The following BLK variants were observed in gnomAD, a reference collection of about 807,000 sequenced individuals.
BLK encodes BLK proto-oncogene, Src family tyrosine kinase.
BLK carries 64 observed loss-of-function variants against 61.8 expected under a neutral mutation model. The ratio of observed to expected loss-of-function variants is 1.03; its 90% CI spans 0.85 to 1.27. BLK has a LOEUF of 1.27. BLK is among the 50% of genes most tolerant of loss of function. The probability of loss-of-function intolerance (pLI) is 0.00; values close to 1 mark genes in which losing one functional copy is unlikely to be tolerated. For synonymous variants in BLK, 351 were observed against 272.0 expected (o/e 1.29, Z -2.86); for missense variants, 853 against 660.5 (o/e 1.29, Z -3.19).
intron 1 of BLK, among the ~76,000 whole-genome samples, chr8:11,506,600 A>G (rs535603461): frequency 1.9e-3 from 296 of 152,332 alleles, no homozygotes; most frequent in Non-Finnish European, 2.2e-3. Flanking sequence ...TGGGGAGAGG[A>G]AACTGACCTC....
chr8:11,527,929 G>T (rs1221371865), intron 1 of BLK, among the ~76,000 whole-genome samples: 1 of 152,138 alleles, frequency 6.6e-6, no homozygotes, highest in Non-Finnish European at 1.5e-5. Context: ...CATTTTAGCA[G>T]AATTCAGGTC....
At chr8:11,531,807 C>A (rs1023454451) in intron 1 of BLK, among the ~76,000 whole-genome samples, 1 of 152,198 alleles carries the variant, frequency 6.6e-6, no homozygotes. Flanking sequence ...AGCCCTCTGA[C>A]CTTCCTTCTG....
intron 6 of BLK, among the ~76,000 whole-genome samples, chr8:11,551,900 C>T (rs571301191): frequency 7.2e-5 from 11 of 152,160 alleles, no homozygotes; most frequent in Non-Finnish European, 1.6e-4. Flanking sequence ...GGCTGAGAGG[C>T]TTCCCAAGCT....
chr8:11,558,893 G>T (rs1049197108), intron 10 of BLK: 7 of 453,218 alleles, frequency 1.5e-5, no homozygotes, highest in Non-Finnish European at 3.1e-5. Context: ...CTCCCACCTC[G>T]CCCCTCGCCC....
At chr8:11,558,758 T>C (rs1563123636) in intron 10 of BLK, 2 of 455,950 alleles carry the variant, frequency 4.4e-6, no homozygotes, top group Non-Finnish European at 8.8e-6. Context: ...CTGTTAAAAC[T>C]GGAACTCTCA....
intron 12 of BLK, 27 bp downstream of exon 12, chr8:11,563,137 G>T (rs377201505): frequency 3.1e-6 from 5 of 1,613,150 alleles, no homozygotes; most frequent in Admixed American, 1.7e-5. Flanking sequence ...GCAGCTCGCG[G>T]CTCCCTGCTT....
chr8:11,550,073 G>C, intron 5 of BLK, 86 bp from the exon 6 acceptor site: 3 of 1,186,406 alleles, frequency 2.5e-6, no homozygotes, highest in Non-Finnish European at 3.8e-6. Flanking sequence ...ATTTCTTGGG[G>C]ACAGGCAGTG....
rs60536897 is a variant in BLK, at chr8:11,543,602, G to A, written c.123+255G>A. ...AGAAATGTAAAAAGGTCAGCTTGGGGAGAGGGTGTCGTAAGGAAGGATCCG... is the reference window on the plus strand; with the variant it reads ...AGAAATGTAAAAAGGTCAGCTTGGGAAGAGGGTGTCGTAAGGAAGGATCCG... On this transcript the variant is annotated intron_variant, in intron 2 of 12. Transcript: ENST00000259089. Among the ~76,000 whole-genome samples, 3,202 of 152,294 alleles carry A rather than the reference G, an allele frequency of 0.021. 108 individuals carry two copies. Among genetic ancestry groups the A allele is most frequent in the African/African-American group, 0.073 (3,029 of 41,548 alleles).
chr8:11,501,514 G>A (rs1798560652), intron 1 of BLK, among the ~76,000 whole-genome samples: 1 of 151,832 alleles, frequency 6.6e-6, no homozygotes, highest in East Asian at 1.9e-4. Flanking sequence ...ATGGCGTCCT[G>A]GTAAACGTTT....
At chr8:11,533,721 C>T (rs1352710373) in intron 1 of BLK, among the ~76,000 whole-genome samples, 3 of 151,928 alleles carry the variant, frequency 2.0e-5, no homozygotes, top group East Asian at 1.9e-4. Flanking sequence ...TCATGAGGCT[C>T]ATGTGGGAAA....
chr8:11,507,116 T>C (rs368103525), intron 1 of BLK, among the ~76,000 whole-genome samples: 1 of 152,236 alleles, frequency 6.6e-6, no homozygotes, highest in Non-Finnish European at 1.5e-5. Flanking sequence ...GTGACATTGA[T>C]GTTTTTTCCA....
At chr8:11,542,281 A>C (rs1393613296) in intron 1 of BLK, among the ~76,000 whole-genome samples, 2 of 152,246 alleles carry the variant, frequency 1.3e-5, no homozygotes, top group African/African-American at 4.8e-5. Context: ...TTGAAAAGTG[A>C]AAAAAGGTCC....
At chr8:11,559,946 C>A (rs1471834112) in intron 10 of BLK, 1 of 402,484 alleles carries the variant, frequency 2.5e-6, no homozygotes, top group African/African-American at 2.1e-5. Flanking sequence ...CAGATCTGGG[C>A]CCTACTCAAC....
intron 1 of BLK, among the ~76,000 whole-genome samples, chr8:11,511,203 A>G (rs559019716): frequency 6.6e-6 from 1 of 152,322 alleles, no homozygotes; most frequent in African/African-American, 2.4e-5. Context: ...AGCTCATTGA[A>G]TTCCTGAATA....
chr8:11,517,376 A>G (rs1323566769), intron 1 of BLK, among the ~76,000 whole-genome samples: 3 of 152,230 alleles, frequency 2.0e-5, no homozygotes, highest in Non-Finnish European at 4.4e-5. Context: ...ACCTCTGGCC[A>G]TTTTAAGTCT....
At chr8:11,503,992 C>A (rs1028865237) in intron 1 of BLK, among the ~76,000 whole-genome samples, 7 of 152,150 alleles carry the variant, frequency 4.6e-5, no homozygotes, top group Admixed American at 1.3e-4. Flanking sequence ...CTAAAGTCTC[C>A]CCAGCCTTTC....
intron 1 of BLK, among the ~76,000 whole-genome samples, chr8:11,506,194 C>T (rs1459374922): frequency 2.0e-5 from 3 of 152,188 alleles, no homozygotes; most frequent in African/African-American, 4.8e-5. Context: ...TTTGCCACAT[C>T]GTGGGGTGTC....
intron 10 of BLK, 128 bp from the exon 11 acceptor site, chr8:11,561,174 T>C: frequency 1.5e-6 from 2 of 1,340,886 alleles, no homozygotes; most frequent in South Asian, 1.3e-5. Flanking sequence ...CACAGTCACC[T>C]TTCTACTCCA....
At chr8:11,561,826 A>T (rs1191041614) in intron 11 of BLK, among the ~76,000 whole-genome samples, 6 of 146,140 alleles carry the variant, frequency 4.1e-5, no homozygotes, top group African/African-American at 1.5e-4. Context: ...TCCAAATACT[A>T]TTTTTTTTTT....
Sources: gnomAD v4.1 joint callset for allele counts (sites outside exome capture counted in the v4.1 genomes callset) on GRCh38, gnomAD v4.1.1 for gene constraint, MANE v1.5 for transcripts, NCBI Gene and HGNC (gene_info 2026-07-23, HGNC 2026-07-21) for gene names.